The following ATP2B1 variants were observed in gnomAD, a reference collection of about 807,000 sequenced individuals.
The protein encoded by ATP2B1 is plasma membrane calcium-transporting ATPase 1.
In ATP2B1, 14 loss-of-function variants were observed where a neutral mutation model predicts 124.2. That is an observed-to-expected ratio of 0.11 (90% CI 0.07 to 0.18). ATP2B1 has a LOEUF of 0.18. Ranked by LOEUF, ATP2B1 falls within the 10% of genes least tolerant of loss-of-function variation. ATP2B1 has a pLI of 1.00. For missense variants in ATP2B1, 763 were observed against 1,466.1 expected (o/e 0.52, Z 7.83); for synonymous variants, 449 against 492.4 (o/e 0.91, Z 1.17).
chr12:89,624,994 G>T (rs4277172), intron 8 of ATP2B1, among the ~76,000 whole-genome samples: 142,548 of 151,902 alleles, frequency 0.94, 67,069 homozygotes, highest in East Asian at 0.99. Context: ...GCAGCTGGCT[G>T]GGCGCAGTGG....
chr12:89,649,814 G>A (rs1268717031), intron 2 of ATP2B1, among the ~76,000 whole-genome samples: 1 of 152,130 alleles, frequency 6.6e-6, no homozygotes, highest in Non-Finnish European at 1.5e-5. Flanking sequence ...GATCATGGGG[G>A]AAGATTTCTC....
intron 1 of ATP2B1, among the ~76,000 whole-genome samples, chr12:89,685,248 A>G (rs1889827341): frequency 6.6e-6 from 1 of 152,146 alleles, no homozygotes; most frequent in Non-Finnish European, 1.5e-5. Flanking sequence ...GTAACAGACA[A>G]CAGAAGTGCT....
In ATP2B1 at chr12:89,603,836, A is replaced by G. The variant is rs1876331442; in HGVS notation, c.2724T>C (p.Thr908=). The G allele has an allele frequency of 6.2e-7, 1 of 1,614,146 alleles. No individual in the cohort carries two copies. The highest frequency in any genetic ancestry group is 8.5e-7 in the Non-Finnish European group (1 of 1,180,002). Residue 908 remains threonine, a synonymous_variant, in exon 17 of 21, where the codon ACT becomes ACC. Coordinates refer to ENST00000428670, the MANE Select transcript of ATP2B1 (RefSeq NM_001366521.1). The surrounding 1 kb of genome is among the most constrained non-coding windows in gnomAD (Gnocchi z 4.3). ...AAGGTTTCCGAAGCAAGAGAGACTC[A>G]GTGGGTGGTTCCGTTGCCAGAGCCA... The part of the protein sequence containing the change: ...ASLALATEPP[T]ESLLLRKPYG...
intron 1 of ATP2B1, among the ~76,000 whole-genome samples, chr12:89,670,468 A>G (rs1887823007): frequency 6.6e-6 from 1 of 151,376 alleles, no homozygotes; most frequent in South Asian, 2.1e-4. Context: ...CAGTGAGTAC[A>G]TGTGCAGGCT....
intron 8 of ATP2B1, among the ~76,000 whole-genome samples, chr12:89,625,611 A>G (rs1182380679): frequency 6.6e-6 from 1 of 151,030 alleles, no homozygotes; most frequent in Non-Finnish European, 1.5e-5. Flanking sequence ...AAAAGAAAAG[A>G]AAAGAAAAAA....
At chr12:89,594,991 T>C (rs1434565694) in intron 20 of ATP2B1, 4 of 152,058 alleles carry the variant, frequency 2.6e-5, no homozygotes, top group Non-Finnish European at 5.9e-5. Flanking sequence ...AAATTCTAGA[T>C]TGTTTTCCAA....
At chr12:89,633,480 ATTTT>A (rs11301314) in intron 5 of ATP2B1, among the ~76,000 whole-genome samples, 1 of 144,624 alleles carries the variant, frequency 6.9e-6, no homozygotes, top group Admixed American at 6.9e-5. Context: ...ACATCTCAAG[ATTTT>A]TTTTTTTTTT....
intron 1 of ATP2B1, among the ~76,000 whole-genome samples, chr12:89,702,396 CAAA>C (rs1317702885): frequency 5.9e-5 from 9 of 151,972 alleles, no homozygotes; most frequent in African/African-American, 2.2e-4. Flanking sequence ...TATTGAAAAA[CAAA>C]AGAAAATTCT....
chr12:89,698,930 C>A (rs1330717101), intron 1 of ATP2B1, among the ~76,000 whole-genome samples: 1 of 152,144 alleles, frequency 6.6e-6, no homozygotes, highest in East Asian at 1.9e-4. Flanking sequence ...CAACTGTATT[C>A]CCAGTGTGCA....
In ATP2B1 at chr12:89,634,907, A is replaced by C. The variant is rs1489055040; in HGVS notation, c.662-4T>G. On this transcript the variant is annotated splice_region_variant and splice_polypyrimidine_tract_variant and intron_variant, in intron 4 of 20. Transcript: ENST00000428670. ...CCGTCAGCTGGAAGAAGATCACCTAAAATAAAAAGCATGATATACTAAACT... is the reference window on the plus strand; with the variant it reads ...CCGTCAGCTGGAAGAAGATCACCTACAATAAAAAGCATGATATACTAAACT... 3 of 1,611,228 alleles carry C rather than the reference A, an allele frequency of 1.9e-6. No individual in the cohort carries two copies. The highest frequency in any genetic ancestry group is 1.3e-5 in the African/African-American group (1 of 74,732).
At chr12:89,653,762 A>G (rs1885603563) in intron 2 of ATP2B1, among the ~76,000 whole-genome samples, 1 of 152,222 alleles carries the variant, frequency 6.6e-6, no homozygotes, top group Non-Finnish European at 1.5e-5. Context: ...CCAATTTAAA[A>G]GGCACCGCTC....
intron 15 of ATP2B1, among the ~76,000 whole-genome samples, chr12:89,606,475 G>A (rs1876890575): frequency 6.6e-6 from 1 of 151,780 alleles, no homozygotes; most frequent in African/African-American, 2.4e-5. Context: ...ATGAAGTTCA[G>A]ATGAAACCTT....
intron 1 of ATP2B1, among the ~76,000 whole-genome samples, chr12:89,656,883 A>C (rs746183169): frequency 8.5e-5 from 13 of 152,134 alleles, no homozygotes; most frequent in Non-Finnish European, 5.9e-5. Flanking sequence ...CTACAGTATT[A>C]GTTCTGAGGG....
intron 8 of ATP2B1, among the ~76,000 whole-genome samples, chr12:89,625,441 G>A (rs1041733998): frequency 6.6e-5 from 10 of 151,856 alleles, no homozygotes; most frequent in East Asian, 1.9e-4. Context: ...AAAATCAGCC[G>A]GGTGTAGTGG....
At chr12:89,615,938 TAGACATTTA>T (rs1878879492) in intron 12 of ATP2B1, among the ~76,000 whole-genome samples, 1 of 29,946 alleles carries the variant, frequency 3.3e-5, no homozygotes, top group Non-Finnish European at 1.0e-4. Context: ...CTCATAAAGG[TAGACATTTA>T]AAAAAATTAC....
At chr12:89,698,830 C>T (rs1891484703) in intron 1 of ATP2B1, among the ~76,000 whole-genome samples, 1 of 152,058 alleles carries the variant, frequency 6.6e-6, no homozygotes. Context: ...CTATTCTGGC[C>T]AGAATTCTGA....
chr12:89,688,993 C>T (rs772978457), intron 1 of ATP2B1, among the ~76,000 whole-genome samples: 10 of 152,070 alleles, frequency 6.6e-5, no homozygotes, highest in Admixed American at 4.6e-4. Context: ...TATTTAGATT[C>T]ATTATCAAAT....
At chr12:89,610,631 G>C (rs1877813754) in intron 13 of ATP2B1, 123 bp from the exon 14 acceptor site, 4 of 768,440 alleles carry the variant, frequency 5.2e-6, no homozygotes, top group Non-Finnish European at 8.7e-6. Context: ...AAACTCCTGG[G>C]AACTTGTTAG....
At chr12:89,613,244 G>A (rs1878366003) in intron 12 of ATP2B1, among the ~76,000 whole-genome samples, 1 of 152,138 alleles carries the variant, frequency 6.6e-6, no homozygotes, top group African/African-American at 2.4e-5. Flanking sequence ...GCCTCCCAAA[G>A]TAATGGGATT....
Sources: gnomAD v4.1 joint callset for allele counts (sites outside exome capture counted in the v4.1 genomes callset) on GRCh38, gnomAD v4.1.1 for gene constraint, Gnocchi (gnomAD v3.1) non-coding constraint, MANE v1.5 for transcripts, NCBI Gene and HGNC (gene_info 2026-07-23, HGNC 2026-07-21) for gene names.